Variants in COL5A2 observed in about 807,000 individuals in gnomAD.
COL5A2 encodes collagen alpha-2(V) chain.
Under a neutral mutation model 208.2 loss-of-function variants are expected in COL5A2, and 23 were observed. That is an observed-to-expected ratio of 0.11 (90% CI 0.08 to 0.16). The LOEUF (loss-of-function observed/expected upper bound fraction) is 0.16. Ranked by LOEUF, COL5A2 falls within the 10% of genes least tolerant of loss-of-function variation. The pLI, the probability that COL5A2 is intolerant of heterozygous loss-of-function variation, is 1.00. For missense variants in COL5A2, 1,590 were observed against 1,956.4 expected (o/e 0.81, Z 3.53); for synonymous variants, 625 against 628.5 (o/e 0.99, Z 0.08).
At chr2:189,221,459 C>G (rs1314734044) in intron 1 of COL5A2, among the ~76,000 whole-genome samples, 14 of 151,980 alleles carry the variant, frequency 9.2e-5, no homozygotes, top group Admixed American at 9.2e-4. Flanking sequence ...TCTTATCATT[C>G]ACTGATACAT....
the COL5A2 span, among the ~76,000 whole-genome samples, chr2:189,242,815 C>G: frequency 6.6e-6 from 1 of 152,154 alleles, no homozygotes; most frequent in Admixed American, 6.5e-5. Flanking sequence ...GAAAAGGAAC[C>G]TGTCAGATGA....
chr2:189,156,605 T>C (rs1380379403), intron 1 of COL5A2, among the ~76,000 whole-genome samples: 2 of 152,086 alleles, frequency 1.3e-5, no homozygotes, highest in Non-Finnish European at 2.9e-5. Context: ...CAATAAGACA[T>C]AGGCTTTTAT....
chr2:189,058,576 T>C lies in COL5A2; in HGVS notation c.2131-49A>G, dbSNP rs756551360. The C allele has an allele frequency of 7.3e-6, 11 of 1,497,090 alleles. No homozygotes were observed. The African/African-American group carries it at 1.5e-4, about 21-fold the overall frequency. 92.7% of individuals were successfully genotyped at this position (1,497,090 alleles called of 1,614,324 possible). ...ATAATCTCAATACTTGATCTAAAAA[T>C]AGGTCAAAATGTTTCTGAGAAATGG... On this transcript the variant is annotated intron_variant, in intron 32 of 53. Coordinates refer to ENST00000374866, the MANE Select transcript of COL5A2 (RefSeq NM_000393.5).
chr2:189,191,562 A>G (rs1688930856), intron 1 of COL5A2, among the ~76,000 whole-genome samples: 1 of 152,028 alleles, frequency 6.6e-6, no homozygotes. Context: ...AATCACTTGA[A>G]CCTGGGAGGC....
At chr2:189,351,956 C>A in the COL5A2 span, among the ~76,000 whole-genome samples, 2 of 152,010 alleles carry the variant, frequency 1.3e-5, no homozygotes, top group East Asian at 3.9e-4. Flanking sequence ...CATCCCTCCC[C>A]CAGCTCCCAC....
chr2:189,395,293 G>T, the COL5A2 span, among the ~76,000 whole-genome samples: 11 of 152,136 alleles, frequency 7.2e-5, no homozygotes, highest in Non-Finnish European at 4.4e-5. Context: ...AAATGAAATA[G>T]ATTTATAGGA....
At chr2:189,141,435 C>CA (rs1174908476) in intron 1 of COL5A2, among the ~76,000 whole-genome samples, 1 of 152,030 alleles carries the variant, frequency 6.6e-6, no homozygotes, top group Non-Finnish European at 1.5e-5. Context: ...AGTGAAAAGT[C>CA]AGTTTTCAGA....
chr2:189,418,487 T>C, the COL5A2 span, among the ~76,000 whole-genome samples: 1 of 152,214 alleles, frequency 6.6e-6, no homozygotes, highest in South Asian at 2.1e-4. Flanking sequence ...TTGCTGAGTA[T>C]ACTATTCCAA....
rs752300650 is a variant in COL5A2 at position 189,179,620 on chromosome 2, A to G, written c.-16T>C. The G allele has an allele frequency of 6.3e-7, 1 of 1,594,326 alleles. No homozygotes were observed. Among genetic ancestry groups the G allele is most frequent in the East Asian group, 2.2e-5 (1 of 44,622 alleles). On this transcript the variant is annotated 5_prime_UTR_variant, in exon 1 of 54. It removes an upstream start codon present in the reference 5' UTR. Coordinates refer to ENST00000374866, the MANE Select transcript of COL5A2 (RefSeq NM_000393.5). ...TTGCCATCATGTCTAAATATTAGAC[A>G]TGTGGGTTCTCCTGAGAGTGAAAAG...
In COL5A2 at chr2:189,063,912, A is replaced by C. The variant is rs1438614346; in HGVS notation, c.1770+68T>G. 4 of 1,240,520 alleles carry C rather than the reference A, an allele frequency of 3.2e-6. No homozygotes were observed. In the East Asian group the frequency reaches 9.5e-5, roughly 29 times the overall value. The allele number at this position is 1,240,520 out of a possible 1,614,324, so 76.8% of individuals were successfully genotyped here. ...ATAATCAAAAACATTAACCTAAATAAATATCATTTAAGTTGCATGTCTGTT... is the reference window on the plus strand; with the variant it reads ...ATAATCAAAAACATTAACCTAAATACATATCATTTAAGTTGCATGTCTGTT... On this transcript the variant is annotated intron_variant, in intron 26 of 53. Transcript: ENST00000374866.
chr2:189,377,868 C>A, the COL5A2 span, among the ~76,000 whole-genome samples: 1 of 152,142 alleles, frequency 6.6e-6, no homozygotes, highest in African/African-American at 2.4e-5. Flanking sequence ...TCTTGCGAAC[C>A]AATTATTGAA....
At chr2:189,258,560 G>A in the COL5A2 span, among the ~76,000 whole-genome samples, 1 of 152,070 alleles carries the variant, frequency 6.6e-6, no homozygotes. Context: ...TGATAACTCT[G>A]GTCCCAGAAC....
At chr2:189,172,408 T>C (rs1164082847) in intron 1 of COL5A2, among the ~76,000 whole-genome samples, 2 of 152,230 alleles carry the variant, frequency 1.3e-5, no homozygotes, top group African/African-American at 4.8e-5. Flanking sequence ...TTTATATCTG[T>C]GGTCAGTGAA....
At chr2:189,346,065 TA>T in the COL5A2 span, among the ~76,000 whole-genome samples, 5 of 152,198 alleles carry the variant, frequency 3.3e-5, no homozygotes, top group Admixed American at 6.5e-5. Flanking sequence ...ATGATTAGTT[TA>T]AAAAATCCTG....
chr2:189,128,202 G>C (rs1354935366), intron 1 of COL5A2, among the ~76,000 whole-genome samples: 1 of 151,944 alleles, frequency 6.6e-6, no homozygotes, highest in Non-Finnish European at 1.5e-5. Context: ...GGCATTTTAA[G>C]CCATTGAAGT....
the COL5A2 span, among the ~76,000 whole-genome samples, chr2:189,361,072 T>C: frequency 6.6e-6 from 1 of 152,038 alleles, no homozygotes; most frequent in South Asian, 2.1e-4. Context: ...ATATGTGTAC[T>C]CAGCAGCTGT....
intron 1 of COL5A2, among the ~76,000 whole-genome samples, chr2:189,118,805 C>T (rs181339432): frequency 6.6e-6 from 1 of 152,144 alleles, no homozygotes; most frequent in Non-Finnish European, 1.5e-5. Flanking sequence ...TTCTGCTTTA[C>T]ACAGATTTAA....
At chr2:189,099,432 C>A (rs955405433) in intron 4 of COL5A2, among the ~76,000 whole-genome samples, 27 of 151,954 alleles carry the variant, frequency 1.8e-4, no homozygotes, top group African/African-American at 6.5e-4. Flanking sequence ...GAAGACCAGC[C>A]CGGCCAAACT....
At chr2:189,125,058 G>T (rs1687581484) in intron 1 of COL5A2, among the ~76,000 whole-genome samples, 1 of 152,004 alleles carries the variant, frequency 6.6e-6, no homozygotes, top group African/African-American at 2.4e-5. Flanking sequence ...TTATTTAATG[G>T]AATTTTACGG....
Sources: allele counts gnomAD v4.1 joint callset (sites outside exome capture counted in the v4.1 genomes callset), GRCh38; gene constraint gnomAD v4.1.1; transcripts MANE v1.5; gene names NCBI Gene and HGNC (gene_info 2026-07-23, HGNC 2026-07-21).